Variants in TAAR5 observed in about 807,000 individuals in gnomAD.
The protein encoded by TAAR5 is trace amine associated receptor 5.
In TAAR5, 27 loss-of-function variants were observed where a neutral mutation model predicts 21.1. The observed-to-expected ratio is 1.28, with a 90% CI of 0.94 to 1.76. TAAR5 has a LOEUF of 1.76. Among genes scored for constraint, TAAR5 ranks in the 40% most tolerant of loss-of-function variants. The pLI, the probability that TAAR5 is intolerant of heterozygous loss-of-function variation, is 0.00. For missense variants in TAAR5, 495 were observed against 405.6 expected, an observed-to-expected ratio of 1.22 and a Z score of -1.89; for synonymous variants, 203 against 167.5, an observed-to-expected ratio of 1.21 and a Z score of -1.64.
At chr6:132,614,546 C>G in the TAAR5 span, among the ~76,000 whole-genome samples, 3 of 152,170 alleles carry the variant, frequency 2.0e-5, no homozygotes, top group African/African-American at 4.8e-5. Flanking sequence ...AAGATTAGAA[C>G]ATTTCCAATT....
chr6:132,601,774 A>G, the TAAR5 span, among the ~76,000 whole-genome samples: 1 of 152,216 alleles, frequency 6.6e-6, no homozygotes, highest in South Asian at 2.1e-4. Flanking sequence ...ATGTAAAACA[A>G]CCAAGATTAA....
chr6:132,606,120 A>G, the TAAR5 span, among the ~76,000 whole-genome samples: 1 of 152,152 alleles, frequency 6.6e-6, no homozygotes, highest in African/African-American at 2.4e-5. Flanking sequence ...ACAAGGAGGG[A>G]AGTAAGCATT....
At position 132,588,777 on chromosome 6, in the gene TAAR5, T is replaced by C; in HGVS notation, c.910A>G (p.Ile304Val). Residue 304 changes from isoleucine (I) to valine (V), a missense_variant, in exon 1 of 1, where the codon ATC becomes GTC. Transcript: ENST00000258034. ...AACCACTGGTAGGAAAAGACATAGA[T>C]GATGGGGTTGCAGGCTGAGTTGAAG... is the stretch of plus-strand genomic sequence containing the variant. ...AYFNSACNPI[I>V]YVFSYQWFRK... The C allele has an allele frequency of 6.2e-7, 1 of 1,614,044 alleles. No homozygotes were observed. Among genetic ancestry groups the C allele is most frequent in the Admixed American group, 1.7e-5 (1 of 60,004 alleles).
the TAAR5 span, among the ~76,000 whole-genome samples, chr6:132,610,289 C>T: frequency 1.3e-5 from 2 of 152,208 alleles, no homozygotes; most frequent in Non-Finnish European, 2.9e-5. Flanking sequence ...TAACAAAGCA[C>T]AGAGTCTGCT....
upstream of TAAR5, among the ~76,000 whole-genome samples, chr6:132,591,753 T>C (rs958779456): frequency 6.6e-6 from 1 of 152,078 alleles, no homozygotes; most frequent in Admixed American, 6.6e-5. Context: ...CAGGGAAAGG[T>C]TTTCTGTTCT....
chr6:132,590,366 G>A (rs989117899), upstream of TAAR5, among the ~76,000 whole-genome samples: 4 of 152,166 alleles, frequency 2.6e-5, no homozygotes, highest in Admixed American at 6.5e-5. Flanking sequence ...ATAACACAAA[G>A]TGTTTACACA....
At chr6:132,600,029 A>T in the TAAR5 span, among the ~76,000 whole-genome samples, 1 of 152,228 alleles carries the variant, frequency 6.6e-6, no homozygotes, top group African/African-American at 2.4e-5. Flanking sequence ...TACTAATAGT[A>T]ACTGTAGGAG....
At chr6:132,608,697 G>T in the TAAR5 span, 5 of 455,828 alleles carry the variant, frequency 1.1e-5, no homozygotes, top group Admixed American at 2.4e-5. Context: ...CCCAGAATTT[G>T]TTGAAAGTAA....
upstream of TAAR5, chr6:132,589,742 CAAAAAAAAAAAAAAAAAA>C (rs567338856): frequency 4.9e-3 from 297 of 60,702 alleles, 1 homozygote; most frequent in Middle Eastern, 0.041. Context: ...CACTGGAGGG[CAAAAAAAAAAAAAAAAAA>C]AAAAAAAAAA....
the TAAR5 span, among the ~76,000 whole-genome samples, chr6:132,600,932 G>A: frequency 8.4e-6 from 1 of 118,480 alleles, no homozygotes; most frequent in Non-Finnish European, 1.7e-5. Context: ...AAGGAGGGAA[G>A]GAGGGAAGGA....
chr6:132,609,270 G>T, the TAAR5 span: 1 of 320,302 alleles, frequency 3.1e-6, no homozygotes, highest in South Asian at 2.6e-5. Flanking sequence ...ATATAAGTTA[G>T]ATCCATGGTG....
chr6:132,610,689 C>A, the TAAR5 span, among the ~76,000 whole-genome samples: 2 of 152,146 alleles, frequency 1.3e-5, no homozygotes, highest in African/African-American at 4.8e-5. Flanking sequence ...CTTAGGAGGA[C>A]CTTTTATAGA....
upstream of TAAR5, chr6:132,594,419 G>T (rs567242898): frequency 6.6e-6 from 1 of 152,244 alleles, no homozygotes; most frequent in African/African-American, 2.4e-5. Flanking sequence ...CAGGCTTAGG[G>T]TGGAAGAGTC....
the TAAR5 span, among the ~76,000 whole-genome samples, chr6:132,603,057 C>G: frequency 6.6e-6 from 1 of 151,898 alleles, no homozygotes; most frequent in Non-Finnish European, 1.5e-5. Flanking sequence ...CCTGTAATCA[C>G]TTTGGGAGGC....
upstream of TAAR5, among the ~76,000 whole-genome samples, chr6:132,591,421 G>T (rs953124352): frequency 6.6e-6 from 1 of 152,126 alleles, no homozygotes; most frequent in Non-Finnish European, 1.5e-5. Context: ...AAGGAAGGAG[G>T]TTGGTATGCA....
chr6:132,610,711 C>T, the TAAR5 span, among the ~76,000 whole-genome samples: 14 of 152,292 alleles, frequency 9.2e-5, no homozygotes, highest in East Asian at 2.7e-3. Context: ...CTGACTGTTC[C>T]ATGTGACTCC....
chr6:132,589,531 A>G lies in TAAR5; in HGVS notation c.156T>C (p.Asn52=), dbSNP rs748248177. ...AAGMLIIVLG[N]VFVAFAVSYF... ...AGGACACAGCAAATGCCACAAATAC[A>G]TTCCCTAGCACGATAATCAGCATGC... The change falls in exon 1 of 1, where the codon AAT becomes AAC. Residue 52 remains asparagine (N), a synonymous_variant. Transcript: ENST00000258034. 3.7e-6 allele frequency: 6 copies of G among 1,614,004 alleles called. No homozygotes were observed. The highest frequency in any genetic ancestry group is 2.2e-5 in the East Asian group (1 of 44,860).
the TAAR5 span, among the ~76,000 whole-genome samples, chr6:132,600,787 GGGAAGGAGGGGAGGAAGGAAGGAA>G: frequency 3.3e-5 from 4 of 122,604 alleles, no homozygotes; most frequent in African/African-American, 9.9e-5. Flanking sequence ...GAGGGAAGGA[GGGAAGGAGGGGAGGAAGGAAGGAA>G]GGAAGGAGGG....
At chr6:132,614,294 C>T in the TAAR5 span, among the ~76,000 whole-genome samples, 1 of 152,150 alleles carries the variant, frequency 6.6e-6, no homozygotes, top group African/African-American at 2.4e-5. Flanking sequence ...AATCATGTCT[C>T]GCATAGTTCT....
Sources: gnomAD v4.1 joint callset for allele counts (sites outside exome capture counted in the v4.1 genomes callset) on GRCh38, gnomAD v4.1.1 for gene constraint, MANE v1.5 for transcripts, NCBI Gene and HGNC (gene_info 2026-07-23, HGNC 2026-07-21) for gene names.